Variants in CDH13 observed in about 807,000 individuals in gnomAD.
The protein encoded by CDH13 is cadherin-13.
A neutral mutation model predicts 63.8 loss-of-function variants in CDH13; 24 were observed. The ratio of observed to expected loss-of-function variants is 0.38; its 90% CI spans 0.27 to 0.53. The LOEUF is 0.53. Among genes scored for constraint, CDH13 ranks in the 20% least tolerant of loss-of-function variants. The pLI is 0.85. For synonymous variants in CDH13, 503 were observed against 355.3 expected, an observed-to-expected ratio of 1.42 and a Z score of -4.67; for missense variants, 1,049 against 903.1, an observed-to-expected ratio of 1.16 and a Z score of -2.07.
At position 83,634,119 on chromosome 16, in the gene CDH13, G is replaced by C. The variant is rs931502882; in HGVS notation, c.1101+31525G>C. Among the ~76,000 whole-genome samples the C allele has an allele frequency of 6.5e-4, 37 of 56,764 alleles. 1 individual carries two copies. The highest frequency in any genetic ancestry group is 2.3e-3 in the African/African-American group (35 of 15,162). The allele number at this position is 56,764 out of a possible 152,430, so 37.2% of individuals were successfully genotyped here. ...CTCCACCCATTTTTGTGTGTTTTCT[G>C]TGTGTGTGTGTGTGTATGTGTGTGT... is the stretch of plus-strand genomic sequence containing the variant. On this transcript the variant is annotated intron_variant, in intron 8 of 13. Transcript: ENST00000567109.
intron 4 of CDH13, among the ~76,000 whole-genome samples, chr16:83,174,193 G>A (rs2038031572): frequency 6.6e-6 from 1 of 152,022 alleles, no homozygotes; most frequent in African/African-American, 2.4e-5. Flanking sequence ...AAAAGGATGA[G>A]GTCAGTTCGG....
chr16:83,532,759 C>T (rs1028956528), intron 7 of CDH13, among the ~76,000 whole-genome samples: 1 of 152,180 alleles, frequency 6.6e-6, no homozygotes, highest in Non-Finnish European at 1.5e-5. Context: ...CGGACTTGAG[C>T]GATCCTCTCC....
intron 6 of CDH13, among the ~76,000 whole-genome samples, chr16:83,421,847 CT>C (rs544283446): frequency 6.7e-4 from 102 of 152,260 alleles, no homozygotes; most frequent in African/African-American, 2.2e-3. Context: ...ATAATTAGTT[CT>C]TTTGAATAAG....
At chr16:82,677,910 C>T (rs1180811811) in intron 1 of CDH13, among the ~76,000 whole-genome samples, 2 of 152,088 alleles carry the variant, frequency 1.3e-5, no homozygotes, top group Non-Finnish European at 2.9e-5. Flanking sequence ...ACATATTTGC[C>T]ATCTCTAAAT....
chr16:83,242,558 C>G (rs116428509), intron 5 of CDH13, among the ~76,000 whole-genome samples: 6,406 of 152,176 alleles, frequency 0.042, 158 homozygotes, highest in Middle Eastern at 0.078. Flanking sequence ...GGGTGACATA[C>G]AGGTCCAGGC....
At chr16:83,590,130 G>C (rs1906588962) in intron 7 of CDH13, among the ~76,000 whole-genome samples, 1 of 152,178 alleles carries the variant, frequency 6.6e-6, no homozygotes. Context: ...GAAAAACTCA[G>C]ACATTATCCT....
At chr16:83,335,968 C>T (rs1027230249) in intron 5 of CDH13, among the ~76,000 whole-genome samples, 2 of 151,926 alleles carry the variant, frequency 1.3e-5, no homozygotes, top group East Asian at 1.9e-4. Context: ...CTTTTGTCTG[C>T]GGCTTGTCCT....
chr16:82,772,205 T>C (rs894478025), intron 1 of CDH13, among the ~76,000 whole-genome samples: 2 of 152,080 alleles, frequency 1.3e-5, no homozygotes, highest in African/African-American at 2.4e-5. Context: ...ACCATGGAAA[T>C]TGGCCAACAT....
chr16:82,976,400 A>T (rs1909512796), intron 2 of CDH13, among the ~76,000 whole-genome samples: 1 of 152,042 alleles, frequency 6.6e-6, no homozygotes, highest in African/African-American at 2.4e-5. Context: ...GTGGATTCCT[A>T]TGTCCTTTTT....
intron 6 of CDH13, among the ~76,000 whole-genome samples, chr16:83,479,516 G>A (rs1253923256): frequency 6.6e-6 from 1 of 152,100 alleles, no homozygotes; most frequent in South Asian, 2.1e-4. Flanking sequence ...AATTAGCCGG[G>A]CGTAGTGGCA....
intron 3 of CDH13, among the ~76,000 whole-genome samples, chr16:83,066,788 T>C (rs1391176280): frequency 2.6e-5 from 4 of 152,226 alleles, no homozygotes; most frequent in African/African-American, 9.6e-5. Flanking sequence ...AAAGTCCACA[T>C]GGTCAGCACA....
chr16:83,330,379 A>G (rs1453627580), intron 5 of CDH13, among the ~76,000 whole-genome samples: 2 of 152,226 alleles, frequency 1.3e-5, no homozygotes, highest in African/African-American at 4.8e-5. Context: ...TATTTCTTAC[A>G]ACTGCACGTG....
intron 10 of CDH13, chr16:83,721,928 G>C (rs1441243657): frequency 6.6e-6 from 1 of 152,252 alleles, no homozygotes; most frequent in Non-Finnish European, 1.5e-5. Context: ...AGAGTAGAGA[G>C]ATTGGATGAG....
At chr16:83,430,191 TCA>T (rs1185471366) in intron 6 of CDH13, among the ~76,000 whole-genome samples, 2 of 152,204 alleles carry the variant, frequency 1.3e-5, no homozygotes, top group Non-Finnish European at 2.9e-5. Context: ...ACAGCAGTAC[TCA>T]CAACTGGCAA....
intron 1 of CDH13, among the ~76,000 whole-genome samples, chr16:82,677,323 C>T (rs1914044098): frequency 1.3e-5 from 2 of 152,110 alleles, no homozygotes; most frequent in African/African-American, 2.4e-5. Flanking sequence ...ATTCCCTCTT[C>T]TGTTTTATAC....
chr16:82,808,790 C>T (rs951899727), intron 1 of CDH13, among the ~76,000 whole-genome samples: 1 of 152,072 alleles, frequency 6.6e-6, no homozygotes, highest in African/African-American at 2.4e-5. Flanking sequence ...CCAAACTTAC[C>T]CAGTTATTCA....
intron 6 of CDH13, among the ~76,000 whole-genome samples, chr16:83,385,610 T>C (rs1409337426): frequency 6.6e-6 from 1 of 152,228 alleles, no homozygotes; most frequent in African/African-American, 2.4e-5. Context: ...TGGTCACCTA[T>C]GGCATGGGAA....
At chr16:82,884,738 G>A (rs2040822358) in intron 2 of CDH13, among the ~76,000 whole-genome samples, 1 of 152,160 alleles carries the variant, frequency 6.6e-6, no homozygotes, top group Non-Finnish European at 1.5e-5. Context: ...CAGCCAACAA[G>A]ACTTAGGCCA....
At chr16:82,966,739 G>T (rs7203282) in intron 2 of CDH13, among the ~76,000 whole-genome samples, 1 of 152,066 alleles carries the variant, frequency 6.6e-6, no homozygotes, top group Non-Finnish European at 1.5e-5. Flanking sequence ...TTTACTTAAT[G>T]ATTCCTCCCT....
Sources: gnomAD v4.1 joint callset for allele counts (sites outside exome capture counted in the v4.1 genomes callset) on GRCh38, gnomAD v4.1.1 for gene constraint, MANE v1.5 for transcripts, NCBI Gene and HGNC (gene_info 2026-07-23, HGNC 2026-07-21) for gene names.